Variants in RAD51AP2 observed in about 807,000 individuals in gnomAD.
RAD51AP2 encodes RAD51-associated protein 2.
A neutral mutation model predicts 85.5 loss-of-function variants in RAD51AP2; 67 were observed. The ratio of observed to expected loss-of-function variants is 0.78; its 90% CI spans 0.64 to 0.96. RAD51AP2 has a LOEUF of 0.96. Among genes scored for constraint, RAD51AP2 ranks in the 40% least tolerant of loss-of-function variants. RAD51AP2 has a pLI of 0.00. For missense variants in RAD51AP2, 1,307 were observed against 1,332.4 expected (o/e 0.98, Z 0.30); for synonymous variants, 474 against 446.5 (o/e 1.06, Z -0.78).
rs1662634625 is a variant in RAD51AP2 at position 17,515,636 on chromosome 2, A to G, written c.2780T>C (p.Ile927Thr). ...FHRKNDSALY[I>T]NHQFETGLSE... is the part of the protein sequence containing the mutation. ...CAGACCAGTTTCAAATTGATGATTA[A>G]TATATAATGCAGAGTCATTCTTTCT... Residue 927 changes from isoleucine (I) to threonine (T), a missense_variant, in exon 1 of 3, where the codon ATT (isoleucine) becomes ACT (threonine). By Grantham distance (89) the Ile-to-Thr change is moderately conservative. This residue lies in a region of RAD51AP2 where 668 missense variants were observed against 671.0 expected (regional missense o/e 1.00). Coordinates refer to ENST00000399080, the MANE Select transcript of RAD51AP2 (RefSeq NM_001099218.3). The G allele has an allele frequency of 3.7e-6, 6 of 1,612,402 alleles. No individual in the cohort carries two copies. Among genetic ancestry groups the G allele is most frequent in the Non-Finnish European group, 5.1e-6 (6 of 1,179,426 alleles).
chr2:17,514,010 A>C lies in RAD51AP2; in HGVS notation c.3328+2T>G. On this transcript the variant is annotated splice_donor_variant, in intron 2 of 2. Transcript: ENST00000399080. LOFTEE classifies it high-confidence loss of function. ...TATCCTAAAAAGTAACCACAATGTT[A>C]CCTCCTCTCAATAAATAATTAAATT... The C allele has an allele frequency of 6.8e-7, 1 of 1,470,756 alleles. No homozygotes were observed. The highest frequency in any genetic ancestry group is 9.5e-7 in the Non-Finnish European group (1 of 1,053,026). 91.1% of individuals were successfully genotyped at this position (1,470,756 alleles called of 1,614,324 possible).
rs773035684 is a variant in RAD51AP2 at position 17,515,926 on chromosome 2, G to C, written c.2490C>G (p.Asp830Glu). The C allele has an allele frequency of 1.9e-6, 3 of 1,602,748 alleles. No individual in the cohort carries two copies. The Admixed American group carries it at 5.2e-5, about 28-fold the overall frequency. Residue 830 changes from aspartate (D) to glutamate (E), a missense_variant, in exon 1 of 3, where the codon GAC becomes GAG. This residue lies in a region of RAD51AP2 where 668 missense variants were observed against 671.0 expected (regional missense o/e 1.00). Transcript: ENST00000399080. Reference protein sequence around the residue: ...LLSEIEEKKYDLILKEEVKVT... With the variant: ...LLSEIEEKKYELILKEEVKVT... ...CTTTTACTTCCTCTTTCAAAATTAA[G>C]TCATATTTTTTTTCTTCTATTTCAC...
chr2:17,516,420 GT>G lies in RAD51AP2; in HGVS notation c.1995del (p.Lys665AsnfsTer8), dbSNP rs1662668186. On this transcript the variant is annotated frameshift_variant, in exon 1 of 3. Coordinates refer to ENST00000399080, the MANE Select transcript of RAD51AP2 (RefSeq NM_001099218.3). LOFTEE classifies it high-confidence loss of function. The part of the protein sequence containing the change: ...TEQVFEKSKK[K>X]LINSFSMTTQ... ...GTTGTCATACTGAAGGAATTAATGA[GT>G]TTTTTCTTAGACTTTTCAAAAACTT... 1 of 1,598,660 alleles carries G rather than the reference GT, an allele frequency of 6.3e-7. No individual in the cohort carries two copies. The highest frequency in any genetic ancestry group is 2.2e-5 in the East Asian group (1 of 44,720).
At chr2:17,534,484 C>T in the RAD51AP2 span, among the ~76,000 whole-genome samples, 19 of 152,142 alleles carry the variant, frequency 1.2e-4, no homozygotes, top group Admixed American at 8.5e-4. Context: ...TGGGTTGCCC[C>T]TACCTAGTTT....
At position 17,516,338 on chromosome 2, in the gene RAD51AP2, T is replaced by C. The variant is rs763066143; in HGVS notation, c.2078A>G (p.Asp693Gly). The C allele has an allele frequency of 4.3e-6, 7 of 1,611,736 alleles. No homozygotes were observed. In the South Asian group the frequency reaches 5.5e-5, roughly 13 times the overall value. Residue 693 changes from aspartate (D) to glycine (G), a missense_variant, in exon 1 of 3, where the codon GAC (aspartate) becomes GGC (glycine). By Grantham distance (94) the Asp-to-Gly change is moderately conservative. Coordinates refer to ENST00000399080, the MANE Select transcript of RAD51AP2 (RefSeq NM_001099218.3). ...ETYEKIPLLM[D>G]FDDMDEISLI... The stretch of plus-strand genomic sequence containing the variant: ...AGAAATTTCATCCATGTCATCAAAG[T>C]CCATTAAAAGGGGAATTTTTTCATA...
the RAD51AP2 span, among the ~76,000 whole-genome samples, chr2:17,524,175 C>T: frequency 1.3e-5 from 2 of 151,958 alleles, no homozygotes; most frequent in Non-Finnish European, 2.9e-5. Context: ...CTCTCCTGTG[C>T]CTCTCACAAT....
chr2:17,525,532 C>A, the RAD51AP2 span, among the ~76,000 whole-genome samples: 2 of 151,900 alleles, frequency 1.3e-5, no homozygotes, highest in Non-Finnish European at 2.9e-5. Context: ...GATAATTATG[C>A]CCTATATGGG....
At chr2:17,511,034 A>G in intron 2 of RAD51AP2, 79 bp from the exon 3 acceptor site, 1 of 902,256 alleles carries the variant, frequency 1.1e-6, no homozygotes, top group Non-Finnish European at 1.6e-6. Context: ...TCATGATATT[A>G]GCAACTTTTA....
At chr2:17,521,997 A>C (rs1662866892), upstream of RAD51AP2, among the ~76,000 whole-genome samples, 2 of 151,960 alleles carry the variant, frequency 1.3e-5, no homozygotes, top group South Asian at 4.1e-4. Context: ...CTTTATTTCA[A>C]TCTCTCGTTA....
At chr2:17,511,211 C>G (rs182036807) in intron 2 of RAD51AP2, among the ~76,000 whole-genome samples, 1 of 152,294 alleles carries the variant, frequency 6.6e-6, no homozygotes, top group Non-Finnish European at 1.5e-5. Flanking sequence ...GCATTCCAAT[C>G]AGGCAGTCTA....
In RAD51AP2 at chr2:17,515,827, A is replaced by G. The variant is rs1662642639; in HGVS notation, c.2589T>C (p.Ser863=). ...DTKIEKEEKD[S]FFPMDDMFSV... is the part of the protein sequence containing the mutation. ...AAAACATGTCATCCATTGGAAAAAAACTATCTTTCTCTTCCTTTTCTATCT... is the reference window on the plus strand; with the variant it reads ...AAAACATGTCATCCATTGGAAAAAAGCTATCTTTCTCTTCCTTTTCTATCT... Residue 863 remains serine, a synonymous_variant, in exon 1 of 3, where the codon AGT becomes AGC. Coordinates refer to ENST00000399080, the MANE Select transcript of RAD51AP2 (RefSeq NM_001099218.3). 6.2e-7 allele frequency: 1 copy of G among 1,608,340 alleles called. No individual in the cohort carries two copies. Among genetic ancestry groups the G allele is most frequent in the South Asian group, 1.1e-5 (1 of 90,196 alleles).
chr2:17,525,154 G>C, the RAD51AP2 span, among the ~76,000 whole-genome samples: 1 of 151,934 alleles, frequency 6.6e-6, no homozygotes, highest in Non-Finnish European at 1.5e-5. Context: ...GGAAGACACT[G>C]AGCAATATTT....
At chr2:17,524,743 A>C in the RAD51AP2 span, among the ~76,000 whole-genome samples, 17 of 152,034 alleles carry the variant, frequency 1.1e-4, no homozygotes, top group Admixed American at 3.3e-4. Context: ...CATGGGACCT[A>C]CCATATGATA....
At chr2:17,525,450 C>T in the RAD51AP2 span, among the ~76,000 whole-genome samples, 3 of 151,954 alleles carry the variant, frequency 2.0e-5, no homozygotes, top group Non-Finnish European at 4.4e-5. Context: ...GGCATTAGTG[C>T]GTACTGCAAT....
upstream of RAD51AP2, among the ~76,000 whole-genome samples, chr2:17,521,712 T>C (rs933318284): frequency 2.6e-5 from 4 of 152,058 alleles, no homozygotes; most frequent in Non-Finnish European, 2.9e-5. Context: ...AGCGCAATAA[T>C]GGTAATTTGT....
chr2:17,513,530 C>A (rs1300136260), intron 2 of RAD51AP2, among the ~76,000 whole-genome samples: 6 of 152,098 alleles, frequency 3.9e-5, no homozygotes, highest in Admixed American at 3.3e-4. Context: ...AGCCACCGTG[C>A]CTGGCCTAGT....
Position 17,517,272 on chromosome 2 carries a change from C to T in RAD51AP2, c.1144G>A (p.Asp382Asn). Residue 382 changes from aspartate (D) to asparagine (N), a missense_variant, in exon 1 of 3, where the codon GAC becomes AAC. Asp to Asn is a conservative substitution (Grantham distance 23). Coordinates refer to ENST00000399080, the MANE Select transcript of RAD51AP2 (RefSeq NM_001099218.3). ...TCCAGCCTGGTAAGTACGTAACTGTCCAGACATTCTGCTTCCTCCCAATTT... is the reference window on the plus strand; with the variant it reads ...TCCAGCCTGGTAAGTACGTAACTGTTCAGACATTCTGCTTCCTCCCAATTT... Reference protein sequence around the residue: ...NANWEEAECLDSYVLTRLEKS... With the variant: ...NANWEEAECLNSYVLTRLEKS... 6.2e-7 allele frequency: 1 copy of T among 1,613,954 alleles called. No individual in the cohort carries two copies. The highest frequency in any genetic ancestry group is 8.5e-7 in the Non-Finnish European group (1 of 1,179,902).
chr2:17,522,323 C>G (rs370277570), upstream of RAD51AP2, among the ~76,000 whole-genome samples: 7 of 152,136 alleles, frequency 4.6e-5, no homozygotes, highest in East Asian at 9.6e-4. Context: ...CAGTTTCAGT[C>G]TAGGCCATAT....
At chr2:17,525,648 G>A in the RAD51AP2 span, among the ~76,000 whole-genome samples, 2 of 151,990 alleles carry the variant, frequency 1.3e-5, no homozygotes, top group Non-Finnish European at 2.9e-5. Flanking sequence ...GAAGAAAGTT[G>A]CTTTGCAATT....
Sources: gnomAD v4.1 joint callset for allele counts (sites outside exome capture counted in the v4.1 genomes callset) on GRCh38, gnomAD v4.1.1 for gene constraint, gnomAD v4.1.1 regional missense constraint, MANE v1.5 for transcripts, NCBI Gene and HGNC (gene_info 2026-07-23, HGNC 2026-07-21) for gene names.